Variants in WWOX observed in about 807,000 individuals in gnomAD.
The protein encoded by WWOX is WW domain containing oxidoreductase, also known as WW domain-containing oxidoreductase.
A neutral mutation model predicts 46.2 loss-of-function variants in WWOX; 69 were observed. The observed-to-expected ratio is 1.49, with a 90% CI of 1.23 to 1.82. WWOX has a LOEUF of 1.82. Ranked by LOEUF, WWOX falls within the 40% of genes most tolerant of loss-of-function variation. WWOX has a pLI of 0.00. For synonymous variants in WWOX, 359 were observed against 202.6 expected (o/e 1.77, Z -6.56); for missense variants, 919 against 542.6 (o/e 1.69, Z -6.89).
At chr16:78,887,073 GTGTGGTGTGTGTGT>G (rs1344717429) in intron 8 of WWOX, among the ~76,000 whole-genome samples, 2 of 22,710 alleles carry the variant, frequency 8.8e-5, no homozygotes, top group Non-Finnish European at 4.3e-4. Context: ...ATGTGTGTGT[GTGTGGTGTGTGTGT>G]GTGTGTGTGT....
chr16:78,802,917 A>AG (rs2050928794), intron 8 of WWOX, among the ~76,000 whole-genome samples: 1 of 80,390 alleles, frequency 1.2e-5, no homozygotes, highest in Non-Finnish European at 2.7e-5. Context: ...CTTCATCTGA[A>AG]AAAAAAAAAA....
chr16:78,366,951 T>C (rs918104220), intron 5 of WWOX, among the ~76,000 whole-genome samples: 2 of 151,322 alleles, frequency 1.3e-5, no homozygotes, highest in African/African-American at 4.9e-5. Context: ...GGTTTTTTTT[T>C]TGTATCACAA....
intron 8 of WWOX, among the ~76,000 whole-genome samples, chr16:79,160,202 C>T (rs1054483302): frequency 6.6e-5 from 10 of 152,198 alleles, no homozygotes; most frequent in Admixed American, 5.9e-4. Flanking sequence ...TGGGAGCTGT[C>T]AGTTGTGAGA....
intron 8 of WWOX, among the ~76,000 whole-genome samples, chr16:78,596,364 G>A (rs992056846): frequency 1.3e-5 from 2 of 152,116 alleles, no homozygotes; most frequent in Non-Finnish European, 2.9e-5. Context: ...TCAAGAGCAT[G>A]TAGTGTGGTG....
chr16:78,141,384 A>G (rs1386183515), intron 4 of WWOX, among the ~76,000 whole-genome samples: 3 of 151,824 alleles, frequency 2.0e-5, no homozygotes, highest in East Asian at 1.9e-4. Context: ...CTCTGCTTAA[A>G]TAAAAAGATT....
chr16:78,548,657 C>T (rs1339691735), intron 8 of WWOX, among the ~76,000 whole-genome samples: 1 of 152,194 alleles, frequency 6.6e-6, no homozygotes, highest in Non-Finnish European at 1.5e-5. Flanking sequence ...ATTGTTCCAT[C>T]CGCCTGCCAC....
At chr16:78,857,954 A>G (rs750257805) in intron 8 of WWOX, among the ~76,000 whole-genome samples, 1 of 152,174 alleles carries the variant, frequency 6.6e-6, no homozygotes, top group Admixed American at 6.6e-5. Context: ...AATTAGAAGA[A>G]TGAATGCTTT....
At chr16:78,674,136 T>A (rs899282973) in intron 8 of WWOX, among the ~76,000 whole-genome samples, 1 of 152,164 alleles carries the variant, frequency 6.6e-6, no homozygotes, top group Non-Finnish European at 1.5e-5. Context: ...GGAAATAAAA[T>A]CCAACAGCTC....
intron 8 of WWOX, among the ~76,000 whole-genome samples, chr16:78,942,597 AT>A (rs1432462828): frequency 5.0e-5 from 7 of 140,116 alleles, no homozygotes; most frequent in African/African-American, 2.2e-4. Context: ...AGAGCGTTAC[AT>A]TTTAAAGGTA....
chr16:79,211,861 G>A lies in WWOX; in HGVS notation c.*65G>A. ...GTGTGTCCCCTCACGCAAGTGCCAG[G>A]GCTGGGCCCCTTCCAAATGTCCCTC... On this transcript the variant is annotated 3_prime_UTR_variant, in exon 9 of 9. Transcript: ENST00000566780. 1 of 1,602,858 alleles carries A rather than the reference G, an allele frequency of 6.2e-7. No homozygotes were observed. Among genetic ancestry groups the A allele is most frequent in the Middle Eastern group, 1.7e-4 (1 of 6,056 alleles).
intron 8 of WWOX, among the ~76,000 whole-genome samples, chr16:78,563,384 C>T (rs373028455): frequency 1.3e-5 from 2 of 151,748 alleles, no homozygotes; most frequent in African/African-American, 4.8e-5. Flanking sequence ...TGGGGTGGTT[C>T]AGGAACAGAA....
At chr16:78,685,362 A>T (rs1423373411) in intron 8 of WWOX, among the ~76,000 whole-genome samples, 1 of 152,116 alleles carries the variant, frequency 6.6e-6, no homozygotes, top group African/African-American at 2.4e-5. Flanking sequence ...GTATGTGTCT[A>T]ATATTCAGAG....
rs1349397379 is a variant in WWOX at position 78,192,093 on chromosome 16, A to C, written c.516+27804A>C. On this transcript the variant is annotated intron_variant, in intron 5 of 8. Transcript: ENST00000566780. Reference sequence around the variant, plus strand: ...ACAAAAATAGGACCTATTACTATCTAGGTGACAGGATCATTCATACCCCAA... The same window carrying C: ...ACAAAAATAGGACCTATTACTATCTCGGTGACAGGATCATTCATACCCCAA... Among the ~76,000 whole-genome samples, 4 of 152,308 alleles carry C rather than the reference A, an allele frequency of 2.6e-5. No individual in the cohort carries two copies. The South Asian group carries it at 8.3e-4, about 32-fold the overall frequency.
intron 8 of WWOX, among the ~76,000 whole-genome samples, chr16:79,001,876 CT>C (rs2047099822): frequency 6.6e-6 from 1 of 152,096 alleles, no homozygotes; most frequent in South Asian, 2.1e-4. Context: ...CAGAGCTTGT[CT>C]TTCTAGAGCA....
chr16:78,245,969 G>A (rs1320051837), intron 5 of WWOX, among the ~76,000 whole-genome samples: 1 of 152,170 alleles, frequency 6.6e-6, no homozygotes, highest in African/African-American at 2.4e-5. Context: ...ATATTAAGAA[G>A]CATTCAAAGA....
chr16:78,309,578 T>TA (rs1024851272), intron 5 of WWOX, among the ~76,000 whole-genome samples: 7 of 152,264 alleles, frequency 4.6e-5, no homozygotes, highest in Admixed American at 1.3e-4. Flanking sequence ...CTAAAGTGTA[T>TA]AAAATCAAGG....
chr16:78,380,212 T>A (rs1324376057), intron 5 of WWOX, among the ~76,000 whole-genome samples: 2 of 152,146 alleles, frequency 1.3e-5, no homozygotes. Flanking sequence ...CATGAGGGCT[T>A]CTAAGGGGCA....
At chr16:78,220,841 T>C (rs1567437157) in intron 5 of WWOX, among the ~76,000 whole-genome samples, 1 of 152,302 alleles carries the variant, frequency 6.6e-6, no homozygotes, top group Non-Finnish European at 1.5e-5. Context: ...ATGCCCATCA[T>C]TTCTTCTGTT....
chr16:78,440,652 C>G (rs556912256), intron 8 of WWOX, among the ~76,000 whole-genome samples: 3 of 151,256 alleles, frequency 2.0e-5, no homozygotes, highest in Admixed American at 6.6e-5. Flanking sequence ...AGTGTCTCTC[C>G]GTTGCCCGGA....
Sources: gnomAD v4.1 joint callset for allele counts (sites outside exome capture counted in the v4.1 genomes callset) on GRCh38, gnomAD v4.1.1 for gene constraint, MANE v1.5 for transcripts, NCBI Gene and HGNC (gene_info 2026-07-23, HGNC 2026-07-21) for gene names.